Variants in MID1 observed in about 807,000 individuals in gnomAD.
MID1 encodes midline 1.
Under a neutral mutation model 40.4 loss-of-function variants are expected in MID1, and 7 were observed. The observed-to-expected ratio is 0.17, with a 90% CI of 0.10 to 0.33. MID1 has a LOEUF of 0.33. Ranked by LOEUF, MID1 falls within the 10% of genes least tolerant of loss-of-function variation. The probability of loss-of-function intolerance (pLI) is 1.00; values close to 1 mark genes in which losing one functional copy is unlikely to be tolerated. For synonymous variants in MID1, 229 were observed against 221.2 expected (o/e 1.04, Z -0.31); for missense variants, 367 against 558.5 (o/e 0.66, Z 3.46).
chrX:10,679,605 T>C (rs1027050482), intron 1 of MID1, among the ~76,000 whole-genome samples: 9 of 112,259 alleles, frequency 8.0e-5, no homozygotes, highest in African/African-American at 2.9e-4. Flanking sequence ...TTGAACTGCT[T>C]GGTCCACAGA....
chrX:10,679,360 T>C (rs1396637329), intron 1 of MID1, among the ~76,000 whole-genome samples: 4 of 111,348 alleles, frequency 3.6e-5, no homozygotes, highest in Admixed American at 2.9e-4. Flanking sequence ...ATAAAGATAG[T>C]TTCTTATAGG....
intron 1 of MID1, among the ~76,000 whole-genome samples, chrX:10,668,018 G>A (rs1025902240): frequency 4.5e-5 from 5 of 112,148 alleles, no homozygotes; most frequent in Non-Finnish European, 7.5e-5. Context: ...GTATTGCATG[G>A]TTTTAGAGAA....
chrX:10,769,645 A>G (rs193119091), intron 1 of MID1, among the ~76,000 whole-genome samples: 1 of 112,370 alleles, frequency 8.9e-6, no homozygotes, highest in African/African-American at 3.2e-5. Context: ...AAGCAAACAA[A>G]GATTACGTTT....
chrX:10,609,715 C>CTTTTTTTTTTTTTTT (rs138559299), intron 1 of MID1, among the ~76,000 whole-genome samples: 1 of 86,413 alleles, frequency 1.2e-5, no homozygotes, highest in Non-Finnish European at 2.2e-5. Flanking sequence ...TTCTTTCTTT[C>CTTTTTTTTTTTTTTT]TTTTTTTTTT....
intron 2 of MID1, among the ~76,000 whole-genome samples, chrX:10,561,198 A>C (rs1450843334): frequency 9.3e-6 from 1 of 107,475 alleles, no homozygotes; most frequent in African/African-American, 3.7e-5. Context: ...CCTTCATTAC[A>C]TCTTATACAA....
chrX:10,707,256 C>A (rs758557265), intron 1 of MID1, among the ~76,000 whole-genome samples: 1 of 112,062 alleles, frequency 8.9e-6, no homozygotes, highest in African/African-American at 3.2e-5. Context: ...TATGGCTCTG[C>A]CTTCCTTTAG....
intron 1 of MID1, among the ~76,000 whole-genome samples, chrX:10,662,070 C>T (rs1445648344): frequency 2.0e-4 from 22 of 111,439 alleles, no homozygotes; most frequent in African/African-American, 6.5e-4. Flanking sequence ...TTTGGGAGGC[C>T]GAGGTGGGCA....
chrX:10,777,596 G>A (rs112918604), intron 1 of MID1, among the ~76,000 whole-genome samples: 3,805 of 104,001 alleles, frequency 0.037, 160 homozygotes, highest in African/African-American at 0.12. Flanking sequence ...GCCGGAGTGC[G>A]GTGGCGCGAT....
At chrX:10,728,859 C>T (rs751657955) in intron 1 of MID1, among the ~76,000 whole-genome samples, 2 of 111,999 alleles carry the variant, frequency 1.8e-5, no homozygotes, top group East Asian at 2.8e-4. Context: ...TTATGCATTG[C>T]GAGTATAAAG....
At chrX:10,495,780 A>ATAC in intron 3 of MID1, 89 bp from the exon 4 acceptor site, 1 of 633,447 alleles carries the variant, frequency 1.6e-6, no homozygotes. Flanking sequence ...TGTTTCTAGT[A>ATAC]ATCTCTGAAA....
chrX:10,655,953 C>A (rs2042868499), intron 1 of MID1, among the ~76,000 whole-genome samples: 1 of 111,260 alleles, frequency 9.0e-6, no homozygotes, highest in Admixed American at 9.6e-5. Context: ...CCAGCTGAAT[C>A]CAGCTAATTG....
intron 1 of MID1, among the ~76,000 whole-genome samples, chrX:10,710,637 C>T (rs1397266161): frequency 9.0e-6 from 1 of 110,843 alleles, no homozygotes; most frequent in Non-Finnish European, 1.9e-5. Context: ...AGGGCATATT[C>T]CCCAAATTCT....
chrX:10,788,766 A>T (rs761557018), intron 1 of MID1, among the ~76,000 whole-genome samples: 18 of 112,060 alleles, frequency 1.6e-4, no homozygotes, highest in African/African-American at 5.5e-4. Flanking sequence ...GAGAATTATC[A>T]GGCCCCAAAT....
chrX:10,764,584 A>T (rs2043707305), intron 1 of MID1, among the ~76,000 whole-genome samples: 1 of 111,932 alleles, frequency 8.9e-6, no homozygotes, highest in Non-Finnish European at 1.9e-5. Flanking sequence ...AGCTCTGTGT[A>T]TGATAATCAA....
chrX:10,816,159 C>T (rs778323739), intron 1 of MID1, among the ~76,000 whole-genome samples: 65 of 111,941 alleles, frequency 5.8e-4, no homozygotes, highest in African/African-American at 2.0e-3. Flanking sequence ...AAAAGTAAGT[C>T]ATAGTTTTTA....
intron 2 of MID1, among the ~76,000 whole-genome samples, chrX:10,524,044 C>G (rs779099349): frequency 9.0e-6 from 1 of 111,561 alleles, no homozygotes; most frequent in Non-Finnish European, 1.9e-5. Flanking sequence ...TTTATGGATA[C>G]CAACAAACAA....
chrX:10,714,123 C>A (rs1404296428), intron 1 of MID1, among the ~76,000 whole-genome samples: 1 of 112,336 alleles, frequency 8.9e-6, no homozygotes. Context: ...GAATTTTACA[C>A]TCTGGCAGAA....
intron 1 of MID1, among the ~76,000 whole-genome samples, chrX:10,742,906 G>A (rs2043533573): frequency 8.9e-6 from 1 of 112,576 alleles, no homozygotes; most frequent in East Asian, 2.8e-4. Context: ...GACTTTTCTG[G>A]TTCTTTCAGA....
Position 10,686,418 on chromosome X carries a change from A to T in MID1, c.-186-65999T>A, listed in dbSNP as rs757816235. 2.9e-4 allele frequency among the ~76,000 whole-genome samples: 32 copies of T among 111,578 alleles called. No individual in the cohort carries two copies. In the South Asian group the frequency reaches 0.012, roughly 42 times the overall value. On this transcript the variant is annotated intron_variant, in intron 1 of 10. Transcript: ENST00000380785. ...ATGACTCACTTCCAGGTTTACTGAG[A>T]CCAGCAGCTTCCCACATACATTGAC...
Sources: gnomAD v4.1 joint callset for allele counts (sites outside exome capture counted in the v4.1 genomes callset) on GRCh38, gnomAD v4.1.1 for gene constraint, MANE v1.5 for transcripts, NCBI Gene and HGNC (gene_info 2026-07-23, HGNC 2026-07-21) for gene names.